The following PTPRD variants were observed in gnomAD, a reference collection of about 807,000 sequenced individuals.
PTPRD encodes the protein receptor-type tyrosine-protein phosphatase delta.
A neutral mutation model predicts 214.5 loss-of-function variants in PTPRD; 34 were observed. The ratio of observed to expected loss-of-function variants is 0.16; its 90% CI spans 0.12 to 0.21. The LOEUF (loss-of-function observed/expected upper bound fraction) is 0.21, where lower values mean the gene tolerates loss of function less well. Among genes scored for constraint, PTPRD ranks in the 10% least tolerant of loss-of-function variants. The pLI is 1.00. For missense variants in PTPRD, 2,545 were observed against 2,398.7 expected (o/e 1.06, Z -1.27); for synonymous variants, 1,128 against 845.7 (o/e 1.33, Z -5.79).
At chr9:9,875,366 TG>T (rs1371728664) in intron 5 of PTPRD, among the ~76,000 whole-genome samples, 6 of 152,036 alleles carry the variant, frequency 3.9e-5, no homozygotes, top group African/African-American at 1.4e-4. Context: ...AGTGAGACTC[TG>T]GCTCAAAAAC....
chr9:9,572,667 TTATGTATGTATAAACA>T (rs916251502), intron 8 of PTPRD, among the ~76,000 whole-genome samples: 7 of 149,446 alleles, frequency 4.7e-5, no homozygotes, highest in African/African-American at 9.7e-5. Flanking sequence ...GATATGTATA[TTATGTATGTATAAACA>T]TATGTATGTA....
chr9:10,085,970 C>A (rs2098331044), intron 3 of PTPRD, among the ~76,000 whole-genome samples: 1 of 151,634 alleles, frequency 6.6e-6, no homozygotes, highest in South Asian at 2.1e-4. Flanking sequence ...AACATAAAAT[C>A]CTAGCAGTAT....
intron 3 of PTPRD, among the ~76,000 whole-genome samples, chr9:10,090,131 G>A (rs1219124414): frequency 6.6e-6 from 1 of 151,524 alleles, no homozygotes; most frequent in Admixed American, 6.6e-5. Context: ...TAGCATAGCA[G>A]GAATTTCCAT....
chr9:9,754,561 TAACA>T lies in PTPRD; in HGVS notation c.-326+12245_-326+12248del, dbSNP rs373309513. 2.5e-4 allele frequency among the ~76,000 whole-genome samples: 38 copies of T among 152,192 alleles called. 1 individual carries two copies. The highest frequency in any genetic ancestry group is 4.1e-4 in the South Asian group (2 of 4,830). On this transcript the variant is annotated intron_variant, in intron 6 of 45. Coordinates refer to ENST00000381196, the MANE Select transcript of PTPRD (RefSeq NM_002839.4). ...CATTAGCATCTTTGAGACATTTTAT[TAACA>T]AACAAACTATATATATTACACAATA... is the stretch of plus-strand genomic sequence containing the variant.
intron 4 of PTPRD, among the ~76,000 whole-genome samples, chr9:9,952,068 G>A (rs1325477425): frequency 6.6e-6 from 1 of 152,156 alleles, no homozygotes; most frequent in African/African-American, 2.4e-5. Flanking sequence ...GACAGAGGCT[G>A]AGGATGGTAG....
chr9:9,066,054 A>C (rs1451910202), intron 10 of PTPRD, among the ~76,000 whole-genome samples: 1 of 152,170 alleles, frequency 6.6e-6, no homozygotes, highest in Non-Finnish European at 1.5e-5. Context: ...AATATATATC[A>C]TTGGAGGGAT....
At chr9:9,032,166 T>C (rs1271479741) in intron 10 of PTPRD, among the ~76,000 whole-genome samples, 3 of 151,720 alleles carry the variant, frequency 2.0e-5, no homozygotes, top group African/African-American at 4.8e-5. Context: ...GAAAAGAGAG[T>C]TCCCAGCTGC....
At chr9:8,964,858 A>T (rs1393556154) in intron 11 of PTPRD, among the ~76,000 whole-genome samples, 1 of 152,100 alleles carries the variant, frequency 6.6e-6, no homozygotes, top group East Asian at 1.9e-4. Flanking sequence ...TGTGGCTTTG[A>T]GAAATCTTTT....
At chr9:9,703,337 G>GTGAA (rs1026083143) in intron 7 of PTPRD, among the ~76,000 whole-genome samples, 19 of 152,090 alleles carry the variant, frequency 1.2e-4, no homozygotes, top group Non-Finnish European at 2.6e-4. Context: ...TTATAGCAGT[G>GTGAA]TGAAAATGGA....
chr9:9,792,729 C>T (rs1369607413), intron 5 of PTPRD, among the ~76,000 whole-genome samples: 2 of 152,036 alleles, frequency 1.3e-5, no homozygotes, highest in Non-Finnish European at 2.9e-5. Flanking sequence ...ATGCAAATGG[C>T]CCCAGTAAAT....
At chr9:10,330,849 A>C (rs2096736289) in intron 3 of PTPRD, among the ~76,000 whole-genome samples, 1 of 151,812 alleles carries the variant, frequency 6.6e-6, no homozygotes, top group African/African-American at 2.4e-5. Flanking sequence ...ATACTTCTCA[A>C]ATTTGCATCA....
chr9:8,466,116 C>T (rs1366685636), intron 31 of PTPRD, among the ~76,000 whole-genome samples: 1 of 151,830 alleles, frequency 6.6e-6, no homozygotes, highest in East Asian at 1.9e-4. Context: ...GAGGTTAGTG[C>T]CACTTTAGAT....
At chr9:9,357,095 T>TTC (rs1451640070) in intron 9 of PTPRD, among the ~76,000 whole-genome samples, 1 of 151,368 alleles carries the variant, frequency 6.6e-6, no homozygotes, top group Non-Finnish European at 1.5e-5. Context: ...TTATGCCTAA[T>TTC]TCTGTTCTAA....
intron 9 of PTPRD, among the ~76,000 whole-genome samples, chr9:9,273,622 T>C (rs1279025110): frequency 1.3e-5 from 2 of 151,326 alleles, no homozygotes; most frequent in African/African-American, 4.8e-5. Flanking sequence ...TCAAAATGTA[T>C]AGCATGTACT....
At chr9:9,467,540 T>C (rs1187456731) in intron 8 of PTPRD, among the ~76,000 whole-genome samples, 5 of 131,488 alleles carry the variant, frequency 3.8e-5, no homozygotes, top group Non-Finnish European at 6.2e-5. Flanking sequence ...TGAGCCGAGA[T>C]TGTGCCACTG....
At chr9:10,366,075 A>G (rs2097509868) in intron 2 of PTPRD, among the ~76,000 whole-genome samples, 1 of 152,168 alleles carries the variant, frequency 6.6e-6, no homozygotes, top group African/African-American at 2.4e-5. Context: ...GAATGTGCTA[A>G]AAAACACTGT....
intron 14 of PTPRD, among the ~76,000 whole-genome samples, chr9:8,608,770 C>G (rs144973666): frequency 1.4e-3 from 216 of 152,244 alleles, no homozygotes; most frequent in African/African-American, 5.0e-3. Context: ...AATAGAAGTA[C>G]TCCTTTAATT....
chr9:8,986,339 C>A (rs1161544300), intron 11 of PTPRD, among the ~76,000 whole-genome samples: 1 of 151,858 alleles, frequency 6.6e-6, no homozygotes, highest in East Asian at 1.9e-4. Context: ...AGAATCATTG[C>A]AGAAGGGTTA....
intron 12 of PTPRD, among the ~76,000 whole-genome samples, chr9:8,715,880 T>G (rs1417429216): frequency 6.6e-6 from 1 of 152,252 alleles, no homozygotes; most frequent in African/African-American, 2.4e-5. Context: ...AAAGTCATTT[T>G]CACAGAAATA....
Sources: gnomAD v4.1 joint callset for allele counts (sites outside exome capture counted in the v4.1 genomes callset) on GRCh38, gnomAD v4.1.1 for gene constraint, MANE v1.5 for transcripts, NCBI Gene and HGNC (gene_info 2026-07-23, HGNC 2026-07-21) for gene names.